Variants in CCDC57 observed in about 807,000 individuals in gnomAD.
CCDC57 encodes the protein coiled-coil domain containing 57.
A neutral mutation model predicts 118.9 loss-of-function variants in CCDC57; 118 were observed. The ratio of observed to expected loss-of-function variants is 0.99; its 90% confidence interval spans 0.86 to 1.16. CCDC57 has a LOEUF of 1.16. Ranked by LOEUF, CCDC57 falls within the 50% of genes most tolerant of loss-of-function variation. CCDC57 has a pLI of 0.00. For missense variants in CCDC57, 1,300 were observed against 1,320.7 expected, an observed-to-expected ratio of 0.98 and a Z score of 0.24; for synonymous variants, 527 against 532.9, an observed-to-expected ratio of 0.99 and a Z score of 0.15.
intron 15 of CCDC57, chr17:82,157,404 G>A (rs567379874): frequency 9.9e-5 from 121 of 1,228,060 alleles, no homozygotes; most frequent in African/African-American, 7.5e-4. Flanking sequence ...TCAGCAGGCC[G>A]TCAAGGCCCT....
At chr17:82,124,060 T>TTGG (rs1482905646) in intron 19 of CCDC57, among the ~76,000 whole-genome samples, 28 of 147,620 alleles carry the variant, frequency 1.9e-4, no homozygotes, top group Admixed American at 6.8e-4. Context: ...AGAGCTAGAA[T>TTGG]TGGTGGTGGT....
At chr17:82,203,920 T>G (rs2049286184) in intron 2 of CCDC57, among the ~76,000 whole-genome samples, 1 of 152,052 alleles carries the variant, frequency 6.6e-6, no homozygotes, top group Non-Finnish European at 1.5e-5. Flanking sequence ...GCAATGGTTG[T>G]ACAAAGTCCC....
At chr17:82,197,150 G>C (rs1456721563) in intron 4 of CCDC57, among the ~76,000 whole-genome samples, 2 of 127,728 alleles carry the variant, frequency 1.6e-5, no homozygotes, top group African/African-American at 6.1e-5. Context: ...ACAGCCCCTC[G>C]TGACTCCTGC....
chr17:82,210,942 C>T (rs576306199), intron 1 of CCDC57, among the ~76,000 whole-genome samples: 137 of 145,294 alleles, frequency 9.4e-4, no homozygotes, highest in South Asian at 8.0e-3. Flanking sequence ...TGCAGTGGGC[C>T]GAGATCGCGC....
intron 7 of CCDC57, 129 bp downstream of exon 6, chr17:82,193,627 A>T (rs912757937): frequency 2.9e-6 from 2 of 686,710 alleles, no homozygotes; most frequent in African/African-American, 3.7e-5. Context: ...AATCCAAAAC[A>T]GCGGGCTCCC....
intron 13 of CCDC57, among the ~76,000 whole-genome samples, chr17:82,165,763 C>T (rs1483601175): frequency 3.3e-5 from 5 of 152,090 alleles, no homozygotes; most frequent in Admixed American, 1.3e-4. Context: ...CCGGGCCTGG[C>T]GGGGGACACT....
intron 2 of CCDC57, among the ~76,000 whole-genome samples, chr17:82,206,802 T>C (rs941094138): frequency 5.3e-5 from 8 of 152,132 alleles, no homozygotes; most frequent in Non-Finnish European, 7.3e-5. Flanking sequence ...AAGCGGGCAG[T>C]CTTTGAACCA....
intron 17 of CCDC57, among the ~76,000 whole-genome samples, chr17:82,132,177 G>T (rs62078307): frequency 0.24 from 36,084 of 150,264 alleles, 5,182 homozygotes; most frequent in Non-Finnish European, 0.33. Flanking sequence ...ATTTTGTAAA[G>T]GAACAGAAAT....
chr17:82,113,766 C>T lies in CCDC57; in HGVS notation c.2900-11900G>A, dbSNP rs556188173. On this transcript the variant is annotated intron_variant, in intron 19 of 19. Transcript: ENST00000665763. ...TGGGTGACATAGTGAGACCCCATTT[C>T]TACAAAAAAATAAAATAACATGTAA... 5 of 664,408 alleles carry T rather than the reference C, an allele frequency of 7.5e-6. No individual in the cohort carries two copies. The African/African-American group carries it at 9.0e-5, about 12-fold the overall frequency. The allele number at this position is 664,408 out of a possible 1,614,324, so 41.2% of individuals were successfully genotyped here.
chr17:82,106,535 C>A, intron 19 of CCDC57: 1 of 152,396 alleles, frequency 6.6e-6, no homozygotes, highest in Non-Finnish European at 1.5e-5. Flanking sequence ...CACACCCCAC[C>A]CTTCTCCTGC....
intron 4 of CCDC57, among the ~76,000 whole-genome samples, chr17:82,197,736 C>T (rs987557024): frequency 3.3e-5 from 5 of 152,126 alleles, no homozygotes; most frequent in Admixed American, 1.3e-4. Flanking sequence ...TGTGGATGGG[C>T]GTCATTCAAT....
intron 14 of CCDC57, among the ~76,000 whole-genome samples, chr17:82,162,005 A>G (rs998786126): frequency 8.4e-6 from 1 of 118,346 alleles, no homozygotes; most frequent in African/African-American, 2.9e-5. Context: ...CAATTAAAAA[A>G]ATTTTTTTTT....
intron 16 of CCDC57, among the ~76,000 whole-genome samples, chr17:82,142,930 C>A (rs969187702): frequency 1.3e-5 from 2 of 151,964 alleles, no homozygotes; most frequent in Non-Finnish European, 2.9e-5. Context: ...TTTGGGAGGC[C>A]GAGGTGGGTG....
At position 82,142,587 on chromosome 17, in the gene CCDC57, T is replaced by C. The variant is rs1271264123; in HGVS notation, c.2456-8393A>G. ...TCAGCCTCCCAAAGTGCTGGGATTA[T>C]AGGCGTGAGCCGCTATGCCCGGCCT... On this transcript the variant is annotated intron_variant, in intron 16 of 19. Coordinates refer to ENST00000665763, the Ensembl canonical transcript of CCDC57. Among the ~76,000 whole-genome samples, 4 of 152,250 alleles carry C rather than the reference T, an allele frequency of 2.6e-5. No individual in the cohort carries two copies. The East Asian group carries it at 7.7e-4, about 29-fold the overall frequency.
At chr17:82,187,183 G>C (rs1314046044) in intron 8 of CCDC57, among the ~76,000 whole-genome samples, 1 of 137,884 alleles carries the variant, frequency 7.3e-6, no homozygotes, top group Admixed American at 8.1e-5. Flanking sequence ...GTTGCGGTGA[G>C]CTAAGATTGC....
intron 16 of CCDC57, among the ~76,000 whole-genome samples, chr17:82,147,999 A>G (rs1303228242): frequency 1.3e-5 from 1 of 77,384 alleles, no homozygotes; most frequent in African/African-American, 5.2e-5. Flanking sequence ...GGGTGGGTGG[A>G]TGGATGGATG....
chr17:82,153,119 C>T (rs1382888558), intron 15 of CCDC57, among the ~76,000 whole-genome samples: 3 of 152,092 alleles, frequency 2.0e-5, no homozygotes, highest in Non-Finnish European at 4.4e-5. Context: ...GAGGCTCACT[C>T]ACCACCCTGG....
At chr17:82,121,749 G>A (rs967069344) in intron 19 of CCDC57, among the ~76,000 whole-genome samples, 1 of 152,160 alleles carries the variant, frequency 6.6e-6, no homozygotes, top group Non-Finnish European at 1.5e-5. Flanking sequence ...CGTGCATGCC[G>A]CCTGCTGAGA....
At chr17:82,126,395 TG>T (rs756822619) in intron 19 of CCDC57, 117 of 981,708 alleles carry the variant, frequency 1.2e-4, no homozygotes, top group Non-Finnish European at 1.3e-4. Context: ...CATGAAGAAC[TG>T]GGAGAAAACA....
Sources: gnomAD v4.1 joint callset for allele counts (sites outside exome capture counted in the v4.1 genomes callset) on GRCh38, gnomAD v4.1.1 for gene constraint, MANE v1.5 for transcripts, NCBI Gene and HGNC (gene_info 2026-07-23, HGNC 2026-07-21) for gene names.